Variants in FAM13A observed in about 807,000 individuals in gnomAD.
The protein encoded by FAM13A is protein FAM13A.
A neutral mutation model predicts 129.6 loss-of-function variants in FAM13A; 76 were observed. The ratio of observed to expected loss-of-function variants is 0.59; its 90% CI spans 0.49 to 0.71. FAM13A has a LOEUF of 0.71. Ranked by LOEUF, FAM13A falls within the 30% of genes least tolerant of loss-of-function variation. The probability of loss-of-function intolerance (pLI) is 0.00; values close to 1 mark genes in which losing one functional copy is unlikely to be tolerated. For synonymous variants in FAM13A, 443 were observed against 449.9 expected, an observed-to-expected ratio of 0.98 and a Z score of 0.20; for missense variants, 1,108 against 1,249.3, an observed-to-expected ratio of 0.89 and a Z score of 1.70.
At chr4:88,943,887 G>A (rs902108400) in intron 4 of FAM13A, among the ~76,000 whole-genome samples, 3 of 152,096 alleles carry the variant, frequency 2.0e-5, no homozygotes, top group African/African-American at 4.8e-5. Context: ...TTTTCAGACT[G>A]AAGGACACAT....
At chr4:88,919,865 G>A (rs1197209501) in intron 5 of FAM13A, among the ~76,000 whole-genome samples, 7 of 151,578 alleles carry the variant, frequency 4.6e-5, no homozygotes, top group African/African-American at 1.2e-4. Context: ...CTTTTCCGAC[G>A]GGCTTAAAAA....
At chr4:88,802,322 A>G (rs1038903571) in intron 8 of FAM13A, among the ~76,000 whole-genome samples, 5 of 152,162 alleles carry the variant, frequency 3.3e-5, no homozygotes, top group African/African-American at 1.2e-4. Flanking sequence ...AGCTCCTATA[A>G]CTGCAATTAA....
Position 89,057,099 on chromosome 4 carries a change from G to T in FAM13A, c.-135C>A, listed in dbSNP as rs1296494197. 1 of 1,490,168 alleles carries T rather than the reference G, an allele frequency of 6.7e-7. No homozygotes were observed. 92.3% of individuals were successfully genotyped at this position (1,490,168 alleles called of 1,614,324 possible). ...TCCCAATGCAAAGGCCCCAAGGTAA[G>T]CGAAGAGCAGCTTCTAACATTTTAG... On this transcript the variant is annotated 5_prime_UTR_variant, in exon 1 of 24. Transcript: ENST00000264344.
chr4:88,768,844 TTGAC>T, intron 11 of FAM13A, among the ~76,000 whole-genome samples: 1 of 152,204 alleles, frequency 6.6e-6, no homozygotes, highest in East Asian at 1.9e-4. Context: ...TAAGATATCT[TTGAC>T]TGCCTCTGTG....
At chr4:88,821,182 AC>A (rs1377714052) in intron 7 of FAM13A, among the ~76,000 whole-genome samples, 1 of 152,240 alleles carries the variant, frequency 6.6e-6, no homozygotes, top group Admixed American at 6.5e-5. Flanking sequence ...CTTAACAAAG[AC>A]AACCGCACAA....
chr4:88,955,357 GT>G (rs1757580937), intron 4 of FAM13A, among the ~76,000 whole-genome samples: 2 of 152,072 alleles, frequency 1.3e-5, no homozygotes, highest in South Asian at 4.1e-4. Flanking sequence ...TGCCATGATT[GT>G]AAGTTTCCTG....
chr4:89,007,092 G>A (rs879712288), intron 3 of FAM13A, among the ~76,000 whole-genome samples: 9 of 152,118 alleles, frequency 5.9e-5, no homozygotes, highest in Non-Finnish European at 1.2e-4. Context: ...CAGGGACTCC[G>A]CTCTCCTGCC....
intron 4 of FAM13A, among the ~76,000 whole-genome samples, chr4:88,958,559 C>T (rs1039906728): frequency 2.0e-5 from 3 of 152,182 alleles, no homozygotes; most frequent in Non-Finnish European, 4.4e-5. Context: ...GCACAGAATA[C>T]AAGAGTTAAG....
At chr4:88,998,974 A>C (rs558030850) in intron 3 of FAM13A, among the ~76,000 whole-genome samples, 1 of 152,228 alleles carries the variant, frequency 6.6e-6, no homozygotes, top group Non-Finnish European at 1.5e-5. Flanking sequence ...ACTAATAAAA[A>C]TTAATAAATT....
chr4:88,871,796 A>G (rs1377048621), intron 6 of FAM13A, among the ~76,000 whole-genome samples: 6 of 152,168 alleles, frequency 3.9e-5, no homozygotes. Context: ...TACAGAGAAT[A>G]CCACAAAGAT....
intron 7 of FAM13A, among the ~76,000 whole-genome samples, chr4:88,832,407 A>G (rs183283243): frequency 2.4e-3 from 363 of 152,336 alleles, no homozygotes; most frequent in Admixed American, 4.6e-3. Flanking sequence ...TAAACTAAAG[A>G]GCTTCTGCAC....
chr4:89,034,619 T>C (rs1479684127), intron 1 of FAM13A, among the ~76,000 whole-genome samples: 6 of 152,178 alleles, frequency 3.9e-5, no homozygotes, highest in Non-Finnish European at 8.8e-5. Context: ...CGGTGGCTCA[T>C]GCCTGTAATC....
At chr4:88,747,918 C>T (rs969277428) in intron 17 of FAM13A, 67 bp from the exon 18 acceptor site, 3 of 1,188,232 alleles carry the variant, frequency 2.5e-6, no homozygotes, top group East Asian at 2.5e-5. Context: ...GAGATGGAGT[C>T]TCGCTCTGTC....
At chr4:88,950,503 C>G (rs923514543) in intron 4 of FAM13A, among the ~76,000 whole-genome samples, 7 of 152,104 alleles carry the variant, frequency 4.6e-5, no homozygotes, top group African/African-American at 1.7e-4. Flanking sequence ...ATTTTTAGTT[C>G]TCAAAACACT....
intron 7 of FAM13A, among the ~76,000 whole-genome samples, chr4:88,833,263 C>T (rs1734219661): frequency 1.3e-5 from 2 of 152,226 alleles, no homozygotes; most frequent in African/African-American, 4.8e-5. Context: ...ACAGCTAATG[C>T]ACACGGGGCT....
chr4:88,997,522 G>C (rs369712290), intron 3 of FAM13A, among the ~76,000 whole-genome samples: 1 of 151,218 alleles, frequency 6.6e-6, no homozygotes, highest in Non-Finnish European at 1.5e-5. Flanking sequence ...TAAGCAGCAA[G>C]CATTGAACCA....
At chr4:88,947,061 T>C (rs1756008126) in intron 4 of FAM13A, among the ~76,000 whole-genome samples, 1 of 152,110 alleles carries the variant, frequency 6.6e-6, no homozygotes, top group African/African-American at 2.4e-5. Flanking sequence ...TAGGAGGCCA[T>C]TGTTTTGGAC....
intron 6 of FAM13A, among the ~76,000 whole-genome samples, chr4:88,862,835 A>G (rs1209128490): frequency 6.6e-6 from 1 of 152,050 alleles, no homozygotes; most frequent in South Asian, 2.1e-4. Context: ...GGGTAGATCC[A>G]TGAGTTGCTA....
chr4:88,811,750 G>A (rs1561058877), intron 7 of FAM13A, among the ~76,000 whole-genome samples: 2 of 152,192 alleles, frequency 1.3e-5, no homozygotes, highest in African/African-American at 4.8e-5. Context: ...AGAAGTCACA[G>A]AATAGAATCT....
Sources: allele counts gnomAD v4.1 joint callset (sites outside exome capture counted in the v4.1 genomes callset), GRCh38; gene constraint gnomAD v4.1.1; transcripts MANE v1.5; gene names NCBI Gene and HGNC (gene_info 2026-07-23, HGNC 2026-07-21).